CEP85L: variants seen among roughly 807,000 people sequenced by gnomAD.
CEP85L encodes the protein centrosomal protein 85L, also known as centrosomal protein of 85 kDa-like.
In CEP85L, 60 loss-of-function variants were observed where a neutral mutation model predicts 100.3. The ratio of observed to expected loss-of-function variants is 0.60; its 90% confidence interval spans 0.49 to 0.74. The LOEUF (loss-of-function observed/expected upper bound fraction) is 0.74. Among genes scored for constraint, CEP85L ranks in the 30% least tolerant of loss-of-function variants. CEP85L has a pLI of 0.00. For missense variants in CEP85L, 973 were observed against 936.2 expected, an observed-to-expected ratio of 1.04 and a Z score of -0.51; for synonymous variants, 319 against 322.7, an observed-to-expected ratio of 0.99 and a Z score of 0.12.
At chr6:118,479,482 T>C (rs1773622299) in intron 10 of CEP85L, among the ~76,000 whole-genome samples, 1 of 152,078 alleles carries the variant, frequency 6.6e-6, no homozygotes, top group African/African-American at 2.4e-5. Context: ...CCTGTTCAAA[T>C]ATCACCTCTT....
intron 2 of CEP85L, among the ~76,000 whole-genome samples, chr6:118,618,515 T>C (rs1773222973): frequency 6.6e-6 from 1 of 152,240 alleles, no homozygotes; most frequent in African/African-American, 2.4e-5. Flanking sequence ...GTTCCCCAGA[T>C]GAATTTCCTT....
chr6:118,539,345 C>T (rs888712420), intron 3 of CEP85L, among the ~76,000 whole-genome samples: 6 of 152,150 alleles, frequency 3.9e-5, no homozygotes, highest in Non-Finnish European at 7.4e-5. Context: ...ACATTCTGTA[C>T]AGGTTTGTAG....
At chr6:118,483,248 TAAAAGA>T (rs1382611877) in intron 7 of CEP85L, among the ~76,000 whole-genome samples, 1 of 150,758 alleles carries the variant, frequency 6.6e-6, no homozygotes, top group Non-Finnish European at 1.5e-5. Context: ...AAAAAATAAA[TAAAAGA>T]AAAAGTCAGA....
Position 118,480,466 on chromosome 6 carries a change from G to A in CEP85L, c.1793C>T (p.Pro598Leu), listed in dbSNP as rs755347400. 6.2e-7 allele frequency: 1 copy of A among 1,611,390 alleles called. No homozygotes were observed. The highest frequency in any genetic ancestry group is 8.5e-7 in the Non-Finnish European group (1 of 1,178,436). The change falls in exon 9 of 13, where the codon CCC becomes CTC. Residue 598 changes from proline to leucine, a missense_variant. By Grantham distance (98) the Pro-to-Leu change is moderately conservative. This residue lies in a region of CEP85L where 890 missense variants were observed against 844.5 expected (regional missense o/e 1.05). Coordinates refer to ENST00000368491, the MANE Select transcript of CEP85L (RefSeq NM_001042475.3). ...CTGAAGCTGTTTTGCATCTAACATG[G>A]GAAGGCGGATTCCATCTTCAAGGCA... is the stretch of plus-strand genomic sequence containing the variant. The part of the protein sequence containing the change: ...ERCLEDGIRL[P>L]MLDAKQLQNE...
chr6:118,574,102 T>TG (rs1404876972), intron 2 of CEP85L: 6 of 152,226 alleles, frequency 3.9e-5, no homozygotes, highest in Admixed American at 2.6e-4. Flanking sequence ...GAGCATGTGT[T>TG]CCTCAGCGTA....
chr6:118,502,071 TC>T, intron 5 of CEP85L: 1 of 871,956 alleles, frequency 1.1e-6, no homozygotes, highest in South Asian at 1.5e-5. Context: ...ATCCTGTGGA[TC>T]CCATTGTAGG....
intron 1 of CEP85L, among the ~76,000 whole-genome samples, chr6:118,675,598 T>TA (rs1776457043): frequency 7.3e-6 from 1 of 136,712 alleles, no homozygotes; most frequent in Non-Finnish European, 1.7e-5. Context: ...ATTGCTAGAA[T>TA]TAAAAAAAAA....
chr6:118,708,449 T>G (rs1777671747), intron 1 of CEP85L, among the ~76,000 whole-genome samples: 1 of 152,224 alleles, frequency 6.6e-6, no homozygotes, highest in Non-Finnish European at 1.5e-5. Context: ...CCCATAAACT[T>G]TTCACGAAAC....
At chr6:118,597,685 GAGTATAAA>G (rs1334067016) in intron 2 of CEP85L, among the ~76,000 whole-genome samples, 1 of 152,196 alleles carries the variant, frequency 6.6e-6, no homozygotes, top group Non-Finnish European at 1.5e-5. Flanking sequence ...TAGAAAAGGT[GAGTATAAA>G]ACAATGCACA....
intron 6 of CEP85L, among the ~76,000 whole-genome samples, chr6:118,484,080 T>C (rs190162282): frequency 1.5e-4 from 23 of 152,226 alleles, no homozygotes; most frequent in Admixed American, 1.2e-3. Context: ...GAGACTGAGA[T>C]GGGCTGATCA....
intron 5 of CEP85L, among the ~76,000 whole-genome samples, chr6:118,495,674 G>C (rs1407057907): frequency 6.6e-6 from 1 of 152,174 alleles, no homozygotes. Context: ...GCCCTTTACT[G>C]TTGGTGAAGA....
intron 3 of CEP85L, among the ~76,000 whole-genome samples, chr6:118,531,364 A>T (rs1328767859): frequency 1.3e-5 from 2 of 152,208 alleles, no homozygotes; most frequent in African/African-American, 4.8e-5. Flanking sequence ...AATCAACTCA[A>T]GATGAATTAA....
intron 5 of CEP85L, among the ~76,000 whole-genome samples, chr6:118,497,298 T>C (rs1312468088): frequency 6.6e-6 from 1 of 152,110 alleles, no homozygotes; most frequent in Non-Finnish European, 1.5e-5. Flanking sequence ...CAACATCATA[T>C]CTTTGTGAAG....
At chr6:118,548,419 G>A (rs1236205488) in intron 3 of CEP85L, 1 of 152,032 alleles carries the variant, frequency 6.6e-6, no homozygotes, top group Non-Finnish European at 1.5e-5. Flanking sequence ...GCTGACTTTG[G>A]TAATTCTTAC....
At chr6:118,472,627 C>A (rs920335782) in intron 10 of CEP85L, among the ~76,000 whole-genome samples, 1 of 152,074 alleles carries the variant, frequency 6.6e-6, no homozygotes, top group African/African-American at 2.4e-5. Flanking sequence ...TTTTTGAAAT[C>A]TCTTAAGCTC....
At chr6:118,519,462 GTGTGTGT>G (rs1776495081) in intron 4 of CEP85L, among the ~76,000 whole-genome samples, 1 of 65,690 alleles carries the variant, frequency 1.5e-5, no homozygotes, top group Non-Finnish European at 3.3e-5. Flanking sequence ...GTGTGTGTGT[GTGTGTGT>G]GTGTGGCGGG....
chr6:118,698,123 A>G (rs1777275733), intron 1 of CEP85L, among the ~76,000 whole-genome samples: 1 of 152,220 alleles, frequency 6.6e-6, no homozygotes, highest in South Asian at 2.1e-4. Context: ...ACTCAAGAAA[A>G]GGAGCTGAAG....
At chr6:118,643,035 C>T (rs756841533) in intron 1 of CEP85L, among the ~76,000 whole-genome samples, 8 of 152,186 alleles carry the variant, frequency 5.3e-5, no homozygotes, top group Non-Finnish European at 8.8e-5. Context: ...GTTCATAAAA[C>T]CACTACAAAT....
upstream of CEP85L, chr6:118,652,434 C>G (rs1310888719): frequency 2.6e-6 from 3 of 1,167,368 alleles, no homozygotes; most frequent in African/African-American, 4.9e-5. Context: ...ATGCTTCCAA[C>G]GTTTAGTTAC....
Sources: allele counts gnomAD v4.1 joint callset (sites outside exome capture counted in the v4.1 genomes callset), GRCh38; gene constraint gnomAD v4.1.1; regional missense constraint gnomAD v4.1.1; transcripts MANE v1.5; gene names NCBI Gene and HGNC (gene_info 2026-07-23, HGNC 2026-07-21).